ACO1: variants seen among roughly 807,000 people sequenced by gnomAD.
ACO1 encodes cytoplasmic aconitate hydratase.
A neutral mutation model predicts 105.1 loss-of-function variants in ACO1; 78 were observed. That is an observed-to-expected ratio of 0.74 (90% confidence interval 0.62 to 0.90). The LOEUF (loss-of-function observed/expected upper bound fraction) is 0.90. Among genes scored for constraint, ACO1 ranks in the 40% least tolerant of loss-of-function variants. The pLI is 0.00. For missense variants in ACO1, 965 were observed against 1,111.1 expected, an observed-to-expected ratio of 0.87 and a Z score of 1.87; for synonymous variants, 364 against 397.4, an observed-to-expected ratio of 0.92 and a Z score of 1.00.
chr9:32,442,505 C>T (rs1441780778), intron 19 of ACO1, among the ~76,000 whole-genome samples: 1 of 152,082 alleles, frequency 6.6e-6, no homozygotes, highest in Non-Finnish European at 1.5e-5. Flanking sequence ...TCCTTTATTG[C>T]TGTATATTGC....
At chr9:32,442,019 C>A (rs1822491624) in intron 19 of ACO1, among the ~76,000 whole-genome samples, 1 of 152,140 alleles carries the variant, frequency 6.6e-6, no homozygotes, top group Non-Finnish European at 1.5e-5. Flanking sequence ...TAGAAAAGAT[C>A]TACCGCCCCA....
intron 1 of ACO1, among the ~76,000 whole-genome samples, chr9:32,395,312 C>T (rs1821350462): frequency 6.6e-6 from 1 of 151,944 alleles, no homozygotes; most frequent in South Asian, 2.1e-4. Flanking sequence ...CCCGTCTCTA[C>T]TAAAAATACA....
At chr9:32,424,739 A>G (rs1301349411) in intron 10 of ACO1, 74 bp downstream of exon 10, 3 of 992,130 alleles carry the variant, frequency 3.0e-6, no homozygotes, top group Admixed American at 2.0e-5. Context: ...CCAGGCTTTC[A>G]TCCCACTTGA....
At chr9:32,435,042 C>G (rs1468376885) in intron 17 of ACO1, among the ~76,000 whole-genome samples, 1 of 152,208 alleles carries the variant, frequency 6.6e-6, no homozygotes, top group African/African-American at 2.4e-5. Context: ...GAACCTGACA[C>G]GCATTGCCAG....
At position 32,448,986 on chromosome 9, in the gene ACO1, G is replaced by A; in HGVS notation, c.2461G>A (p.Gly821Ser). Residue 821 changes from glycine to serine, a missense_variant, in exon 20 of 21, where the codon GGT becomes AGT. Coordinates refer to ENST00000309951, the MANE Select transcript of ACO1 (RefSeq NM_002197.3). ...TGTGATCCCACTTGAATATCTCCCT[G>A]GTGAGAATGCAGATGCCCTGGGGCT... The part of the protein sequence containing the change: ...MGVIPLEYLP[G>S]ENADALGLTG... 1 of 1,613,986 alleles carries A rather than the reference G, an allele frequency of 6.2e-7. No homozygotes were observed. Among genetic ancestry groups the A allele is most frequent in the Non-Finnish European group, 8.5e-7 (1 of 1,179,888 alleles).
At chr9:32,449,926 G>T in intron 20 of ACO1, 72 bp from the exon 21 acceptor site, 1 of 1,211,154 alleles carries the variant, frequency 8.3e-7, no homozygotes, top group Non-Finnish European at 1.2e-6. Context: ...GGGGCAGGCT[G>T]GGCAGAATTT....
intron 1 of ACO1, among the ~76,000 whole-genome samples, chr9:32,400,060 T>G (rs758458448): frequency 2.9e-4 from 39 of 134,168 alleles, no homozygotes; most frequent in Admixed American, 2.2e-3. Flanking sequence ...ACCCTCCGCC[T>G]GCTGGGTTCA....
chr9:32,429,903 A>C (rs1822188222), intron 13 of ACO1, among the ~76,000 whole-genome samples: 1 of 152,230 alleles, frequency 6.6e-6, no homozygotes, highest in Non-Finnish European at 1.5e-5. Context: ...TCAGTGATGA[A>C]GACCACAATT....
rs1392263850 is a variant in ACO1, at chr9:32,433,835, A to G, written c.1956+3A>G. The G allele has an allele frequency of 1.3e-6, 2 of 1,576,202 alleles. No individual in the cohort carries two copies. The highest frequency in any genetic ancestry group is 1.7e-6 in the Non-Finnish European group (2 of 1,161,876). ...CACCACCATTCTTTGAAAACCTGGT[A>G]TGGCTTTTTATTTTTTAACAAAATG... On this transcript the variant is annotated splice_donor_region_variant and intron_variant, in intron 16 of 20. Transcript: ENST00000309951.
At chr9:32,442,442 GTTATTAA>G in intron 19 of ACO1, among the ~76,000 whole-genome samples, 1 of 152,192 alleles carries the variant, frequency 6.6e-6, no homozygotes, top group Non-Finnish European at 1.5e-5. Context: ...TTATATGACA[GTTATTAA>G]TTATTAATAA....
At chr9:32,437,159 C>T (rs1301900095) in intron 18 of ACO1, among the ~76,000 whole-genome samples, 1 of 152,144 alleles carries the variant, frequency 6.6e-6, no homozygotes, top group Non-Finnish European at 1.5e-5. Flanking sequence ...AACTACATTC[C>T]AGGTGTTCTC....
chr9:32,410,323 C>A (rs1008050226), intron 4 of ACO1, among the ~76,000 whole-genome samples: 1 of 152,126 alleles, frequency 6.6e-6, no homozygotes, highest in Non-Finnish European at 1.5e-5. Context: ...CTTTGGGAGG[C>A]TGAGGTGGGC....
At chr9:32,408,736 TAAAG>T (rs1821670841) in intron 4 of ACO1, 85 bp downstream of exon 4, 30 of 1,418,658 alleles carry the variant, frequency 2.1e-5, no homozygotes, top group Admixed American at 4.8e-5. Flanking sequence ...TATATGTAGT[TAAAG>T]AAGAAAATCT....
Position 32,417,464 on chromosome 9 carries a change from T to C in ACO1, c.405-664T>C, listed in dbSNP as rs577846678. 3.3e-5 allele frequency among the ~76,000 whole-genome samples: 5 copies of C among 152,336 alleles called. No homozygotes were observed. In the East Asian group the frequency reaches 5.8e-4, roughly 18 times the overall value. On this transcript the variant is annotated intron_variant, in intron 4 of 20. Transcript: ENST00000309951. ...TCTGCGATCTTGTGACTATGACTTATTCTACCTTGACTCAAAACAATGCAG... is the reference window on the plus strand; with the variant it reads ...TCTGCGATCTTGTGACTATGACTTACTCTACCTTGACTCAAAACAATGCAG...
chr9:32,426,819 A>C (rs1822110469), intron 11 of ACO1, among the ~76,000 whole-genome samples: 1 of 152,190 alleles, frequency 6.6e-6, no homozygotes, highest in Non-Finnish European at 1.5e-5. Context: ...GCCAAAGTCC[A>C]GCAGATCCTC....
chr9:32,400,347 C>A (rs1821468858), intron 1 of ACO1, among the ~76,000 whole-genome samples: 1 of 152,096 alleles, frequency 6.6e-6, no homozygotes, highest in African/African-American at 2.4e-5. Context: ...AATTTGGTAT[C>A]CTGCTGAGAT....
At chr9:32,435,758 C>A (rs1398709228) in intron 17 of ACO1, among the ~76,000 whole-genome samples, 1 of 152,148 alleles carries the variant, frequency 6.6e-6, no homozygotes, top group Non-Finnish European at 1.5e-5. Flanking sequence ...GTGTGTCTTT[C>A]CTTTGCATTG....
At chr9:32,388,206 G>T (rs1217721254) in intron 1 of ACO1, among the ~76,000 whole-genome samples, 2 of 152,174 alleles carry the variant, frequency 1.3e-5, no homozygotes, top group Non-Finnish European at 2.9e-5. Context: ...TCTAAGAGCT[G>T]TCTTGATTCC....
intron 18 of ACO1, 137 bp downstream of exon 18, chr9:32,436,534 C>T: frequency 1.0e-6 from 1 of 974,212 alleles, no homozygotes; most frequent in South Asian, 1.5e-5. Context: ...TCCTCCTTGC[C>T]AGGTGTCCAT....
Sources: gnomAD v4.1 joint callset for allele counts (sites outside exome capture counted in the v4.1 genomes callset) on GRCh38, gnomAD v4.1.1 for gene constraint, MANE v1.5 for transcripts, NCBI Gene and HGNC (gene_info 2026-07-23, HGNC 2026-07-21) for gene names.